The following PCDH15 variants were observed in gnomAD, a reference collection of about 807,000 sequenced individuals.
PCDH15 encodes protocadherin-15.
Under a neutral mutation model 178.5 loss-of-function variants are expected in PCDH15, and 129 were observed. That is an observed-to-expected ratio of 0.72 (90% confidence interval 0.63 to 0.84). The LOEUF is 0.84. Among genes scored for constraint, PCDH15 ranks in the 40% least tolerant of loss-of-function variants. The pLI is 0.00. For synonymous variants in PCDH15, 800 were observed against 732.0 expected (o/e 1.09, Z -1.50); for missense variants, 2,230 against 2,099.9 (o/e 1.06, Z -1.21).
intron 2 of PCDH15, among the ~76,000 whole-genome samples, chr10:54,621,199 G>T (rs1339789875): frequency 1.3e-5 from 2 of 151,862 alleles, no homozygotes; most frequent in African/African-American, 2.4e-5. Context: ...ATCAAAAATG[G>T]ATTAATGCTA....
At chr10:54,167,165 G>T (rs567538528) in intron 13 of PCDH15, among the ~76,000 whole-genome samples, 1 of 152,214 alleles carries the variant, frequency 6.6e-6, no homozygotes, top group Non-Finnish European at 1.5e-5. Context: ...ACCTCCCTTG[G>T]GAGATCAATC....
chr10:55,113,925 A>T (rs1837569227), intron 2 of PCDH15, among the ~76,000 whole-genome samples: 1 of 152,000 alleles, frequency 6.6e-6, no homozygotes, highest in African/African-American at 2.4e-5. Context: ...AACTTTGAAC[A>T]AGTATTTTGT....
chr10:55,474,378 A>C (rs956212486), intron 2 of PCDH15, among the ~76,000 whole-genome samples: 1 of 152,192 alleles, frequency 6.6e-6, no homozygotes, highest in Non-Finnish European at 1.5e-5. Context: ...TTGAATCATT[A>C]AACTCTAAAA....
intron 13 of PCDH15, among the ~76,000 whole-genome samples, chr10:54,160,128 T>C (rs181156292): frequency 1.2e-3 from 190 of 152,256 alleles, no homozygotes; most frequent in African/African-American, 4.4e-3. Context: ...AAGTGACTCA[T>C]GGGCAGGGAG....
At chr10:54,859,518 A>C (rs772720765) in intron 3 of PCDH15, among the ~76,000 whole-genome samples, 1 of 152,012 alleles carries the variant, frequency 6.6e-6, no homozygotes, top group East Asian at 2.0e-4. Context: ...ATAACTAAAA[A>C]ATAATTGCCT....
chr10:54,392,824 TG>T (rs943590178), intron 3 of PCDH15, among the ~76,000 whole-genome samples: 6 of 147,730 alleles, frequency 4.1e-5, no homozygotes, highest in African/African-American at 1.5e-4. Context: ...GCTTGAACCC[TG>T]GAAGTGGAGG....
At chr10:54,130,961 C>T (rs1250763343) in intron 15 of PCDH15, among the ~76,000 whole-genome samples, 1 of 152,202 alleles carries the variant, frequency 6.6e-6, no homozygotes, top group African/African-American at 2.4e-5. Flanking sequence ...AAAGTACCTT[C>T]ATGGTATTAC....
intron 18 of PCDH15, among the ~76,000 whole-genome samples, chr10:54,066,301 T>C (rs1346355830): frequency 6.6e-6 from 1 of 152,178 alleles, no homozygotes; most frequent in African/African-American, 2.4e-5. Context: ...AGAGTAAGTT[T>C]ACTACGAGTA....
At chr10:54,697,362 G>A (rs1429583942) in intron 1 of PCDH15, among the ~76,000 whole-genome samples, 1 of 151,340 alleles carries the variant, frequency 6.6e-6, no homozygotes, top group Non-Finnish European at 1.5e-5. Context: ...TTTATTTACA[G>A]GTATATCTGC....
At chr10:55,349,848 C>T (rs61851101) in intron 2 of PCDH15, among the ~76,000 whole-genome samples, 379 of 152,110 alleles carry the variant, frequency 2.5e-3, no homozygotes, top group Admixed American at 4.2e-3. Flanking sequence ...AAGATATCTA[C>T]AAATATTTTA....
At chr10:55,197,848 G>A (rs1387646476) in intron 1 of PCDH15, among the ~76,000 whole-genome samples, 1 of 152,040 alleles carries the variant, frequency 6.6e-6, no homozygotes, top group Non-Finnish European at 1.5e-5. Context: ...CCATTGATAA[G>A]ATACCATACT....
chr10:55,247,076 T>G (rs1182694557), intron 1 of PCDH15, among the ~76,000 whole-genome samples: 3 of 152,206 alleles, frequency 2.0e-5, no homozygotes, highest in Non-Finnish European at 2.9e-5. Context: ...TTTACACAAA[T>G]GAAGTTCTAT....
intron 3 of PCDH15, among the ~76,000 whole-genome samples, chr10:54,406,360 C>G (rs986057375): frequency 5.3e-5 from 8 of 151,934 alleles, no homozygotes; most frequent in African/African-American, 1.5e-4. Context: ...AATAAATGGA[C>G]TAGAATAGGT....
intron 3 of PCDH15, among the ~76,000 whole-genome samples, chr10:54,843,594 T>C (rs188489164): frequency 7.2e-4 from 109 of 152,170 alleles, no homozygotes; most frequent in Admixed American, 1.9e-3. Context: ...TTAGCTTTTC[T>C]ACACACACAT....
chr10:54,724,403 G>A (rs1329981031), intron 1 of PCDH15, among the ~76,000 whole-genome samples: 2 of 151,410 alleles, frequency 1.3e-5, no homozygotes, highest in Non-Finnish European at 3.0e-5. Context: ...AAAGTTTGAG[G>A]GTTGAAAATT....
chr10:54,397,984 C>G (rs1187441069), intron 3 of PCDH15, among the ~76,000 whole-genome samples: 1 of 151,872 alleles, frequency 6.6e-6, no homozygotes, highest in Non-Finnish European at 1.5e-5. Flanking sequence ...GGTTCACTAT[C>G]CCAGTTGGTC....
At chr10:54,098,228 G>A (rs2094738464) in intron 15 of PCDH15, among the ~76,000 whole-genome samples, 2 of 142,724 alleles carry the variant, frequency 1.4e-5, no homozygotes, top group South Asian at 4.5e-4. Context: ...GTGTGTGTGT[G>A]TGTGTCCTAT....
At chr10:55,362,645 T>C (rs1279232133) in intron 2 of PCDH15, among the ~76,000 whole-genome samples, 2 of 148,818 alleles carry the variant, frequency 1.3e-5, no homozygotes, top group Non-Finnish European at 3.0e-5. Context: ...CATGCACTCG[T>C]GTGTGTGTGT....
At chr10:54,205,297 G>A (rs1398099967) in intron 10 of PCDH15, among the ~76,000 whole-genome samples, 4 of 152,102 alleles carry the variant, frequency 2.6e-5, no homozygotes, top group Admixed American at 2.0e-4. Context: ...TTTTATGTAA[G>A]TCATTATCAC....
Sources: gnomAD v4.1 joint callset for allele counts (sites outside exome capture counted in the v4.1 genomes callset) on GRCh38, gnomAD v4.1.1 for gene constraint, MANE v1.5 for transcripts, NCBI Gene and HGNC (gene_info 2026-07-23, HGNC 2026-07-21) for gene names.